Variants in ALPK2 observed in about 807,000 individuals in gnomAD.
The protein encoded by ALPK2 is alpha-protein kinase 2.
In ALPK2, 127 loss-of-function variants were observed where a neutral mutation model predicts 163.1. That is an observed-to-expected ratio of 0.78 (90% CI 0.67 to 0.90). The LOEUF is 0.90. ALPK2 is among the 40% of genes least tolerant of loss of function. The pLI, the probability that ALPK2 is intolerant of heterozygous loss-of-function variation, is 0.00. For synonymous variants in ALPK2, 953 were observed against 959.1 expected, an observed-to-expected ratio of 0.99 and a Z score of 0.12; for missense variants, 2,360 against 2,589.6, an observed-to-expected ratio of 0.91 and a Z score of 1.92.
chr18:58,483,529 C>CTTTA (rs144938882), intron 12 of ALPK2, among the ~76,000 whole-genome samples: 60,006 of 142,404 alleles, frequency 0.42, 13,187 homozygotes, highest in East Asian at 0.68. Context: ...GTCCTACTCA[C>CTTTA]TTTATTTATT....
At chr18:58,585,047 C>A (rs2051978533) in intron 3 of ALPK2, among the ~76,000 whole-genome samples, 2 of 152,320 alleles carry the variant, frequency 1.3e-5, no homozygotes, top group African/African-American at 2.4e-5. Flanking sequence ...TGCTTGAATT[C>A]TCTAGGTTCT....
At chr18:58,608,145 T>C (rs1172176392) in intron 2 of ALPK2, among the ~76,000 whole-genome samples, 1 of 152,196 alleles carries the variant, frequency 6.6e-6, no homozygotes. Context: ...TTTTTGAAAA[T>C]TATACTTTAA....
chr18:58,483,607 A>G (rs983848495), intron 12 of ALPK2, among the ~76,000 whole-genome samples: 1 of 151,542 alleles, frequency 6.6e-6, no homozygotes, highest in African/African-American at 2.4e-5. Flanking sequence ...CTGGAGTGCA[A>G]TGGCTCAATC....
At chr18:58,488,227 A>G (rs2144097203) in intron 12 of ALPK2, among the ~76,000 whole-genome samples, 1 of 152,218 alleles carries the variant, frequency 6.6e-6, no homozygotes, top group South Asian at 2.1e-4. Context: ...ACACTGAAAC[A>G]TCCCACCTGG....
chr18:58,510,317 G>A (rs1321876405), intron 10 of ALPK2, among the ~76,000 whole-genome samples: 6 of 152,292 alleles, frequency 3.9e-5, no homozygotes, highest in African/African-American at 9.6e-5. Context: ...GTCAGGTAGC[G>A]CGATGCCTCC....
chr18:58,542,959 G>A (rs2051697777), intron 4 of ALPK2, among the ~76,000 whole-genome samples: 1 of 152,198 alleles, frequency 6.6e-6, no homozygotes, highest in Non-Finnish European at 1.5e-5. Context: ...CCCCAGTGTG[G>A]CAATACTGAT....
chr18:58,605,700 G>A (rs1262610942), intron 3 of ALPK2, among the ~76,000 whole-genome samples: 1 of 152,258 alleles, frequency 6.6e-6, no homozygotes, highest in Admixed American at 6.5e-5. Context: ...ATGGGATAAA[G>A]ACGAGGAAGG....
chr18:58,564,253 G>T (rs950818854), intron 4 of ALPK2, among the ~76,000 whole-genome samples: 8 of 150,434 alleles, frequency 5.3e-5, no homozygotes, highest in Admixed American at 4.7e-4. Context: ...CTCCCACATA[G>T]CTGGGATTAC....
At chr18:58,589,891 A>G (rs1295247720) in intron 3 of ALPK2, among the ~76,000 whole-genome samples, 2 of 152,224 alleles carry the variant, frequency 1.3e-5, no homozygotes, top group African/African-American at 4.8e-5. Context: ...GGGTTCATAG[A>G]AGAAGAAGCT....
intron 9 of ALPK2, 34 bp downstream of exon 9, chr18:58,516,874 C>T: frequency 6.2e-7 from 1 of 1,601,714 alleles, no homozygotes; most frequent in Non-Finnish European, 8.5e-7. Flanking sequence ...GGTTCTCACA[C>T]CAGAAGTGAC....
intron 3 of ALPK2, among the ~76,000 whole-genome samples, chr18:58,593,858 A>G (rs961598331): frequency 3.9e-5 from 6 of 152,004 alleles, no homozygotes; most frequent in African/African-American, 1.2e-4. Flanking sequence ...AGCCTGGGCA[A>G]CAGAGCAAAA....
At chr18:58,571,651 T>C (rs1473732366) in intron 4 of ALPK2, among the ~76,000 whole-genome samples, 1 of 151,930 alleles carries the variant, frequency 6.6e-6, no homozygotes, top group African/African-American at 2.4e-5. Flanking sequence ...ACCTCATCAA[T>C]ATGAAAAGTT....
In ALPK2 at chr18:58,535,401, C is replaced by G. The variant is rs761740876; in HGVS notation, c.4786G>C (p.Gly1596Arg). Residue 1596 changes from glycine to arginine, a missense_variant, in exon 5 of 13, where the codon GGG (glycine) becomes CGG (arginine). By Grantham distance (125) the Gly-to-Arg change is moderately radical. Transcript: ENST00000361673. ...TCAGGAGAAGAGGGCAAAGGTTTCC[C>G]ACGCTCATTCTCAATAGTTCCCCTT... is the stretch of plus-strand genomic sequence containing the variant. ...QKRGTIENER[G>R]KPLPSSPDLT... is the part of the protein sequence containing the mutation. 3.1e-6 allele frequency: 5 copies of G among 1,614,038 alleles called. No individual in the cohort carries two copies. The highest frequency in any genetic ancestry group is 4.2e-6 in the Non-Finnish European group (5 of 1,180,028).
intron 4 of ALPK2, among the ~76,000 whole-genome samples, chr18:58,556,169 T>TCACACACACACACACACACACA (rs33920285): frequency 2.7e-5 from 4 of 148,998 alleles, no homozygotes; most frequent in African/African-American, 1.0e-4. Context: ...GGACTAGATC[T>TCACACACACACACACACACACA]CACACACACA....
intron 3 of ALPK2, among the ~76,000 whole-genome samples, chr18:58,600,304 T>C (rs2052062844): frequency 6.6e-6 from 1 of 152,232 alleles, no homozygotes; most frequent in African/African-American, 2.4e-5. Context: ...CCCAAAGTGC[T>C]GGGATTACAG....
chr18:58,546,500 G>A (rs1034766080), intron 4 of ALPK2, among the ~76,000 whole-genome samples: 2 of 152,164 alleles, frequency 1.3e-5, no homozygotes, highest in African/African-American at 2.4e-5. Context: ...AAGTAGTAAC[G>A]CTACTATTAG....
rs767528073 is a variant in ALPK2 at position 58,538,053 on chromosome 18, G to A, written c.2134C>T (p.Pro712Ser). 3 of 1,614,104 alleles carry A rather than the reference G, an allele frequency of 1.9e-6. No individual in the cohort carries two copies. The highest frequency in any genetic ancestry group is 3.3e-5 in the Admixed American group (2 of 60,016). Residue 712 changes from proline (P) to serine (S), a missense_variant, in exon 5 of 13, where the codon CCC becomes TCC. Pro to Ser is a moderately conservative substitution (Grantham distance 74). Coordinates refer to ENST00000361673, the MANE Select transcript of ALPK2 (RefSeq NM_052947.4). ...ASLAQHSEVKPCTCGPQHEEK... is the reference protein window; with the variant it reads ...ASLAQHSEVKSCTCGPQHEEK... ...TCATGCTGTGGACCACAGGTACAGG[G>A]TTTGACCTCCGAGTGTTGAGCTAAT...
rs535969397 is a variant in ALPK2 at position 58,495,175 on chromosome 18, A to G, written c.6296+2874T>C. ...CCACCTCTTATGCTCTGTTTGGAGA[A>G]GTTTTACCTTTTCATCAGTTTTTCA... On this transcript the variant is annotated intron_variant, in intron 12 of 12. Transcript: ENST00000361673. Among the ~76,000 whole-genome samples the G allele has an allele frequency of 4.6e-5, 7 of 152,332 alleles. No homozygotes were observed. In the East Asian group the frequency reaches 1.3e-3, roughly 29 times the overall value.
Position 58,589,210 on chromosome 18 carries a change from T to C in ALPK2, c.228-8662A>G, listed in dbSNP as rs146823770. On this transcript the variant is annotated intron_variant, in intron 3 of 12. Transcript: ENST00000361673. ...TCACTTGTGTATCCTCTTAGGCTGA[T>C]GATATAATTTCTGTGGTTTTTCTTA... is the stretch of plus-strand genomic sequence containing the variant. Among the ~76,000 whole-genome samples the C allele has an allele frequency of 2.0e-4, 30 of 152,328 alleles. No individual in the cohort carries two copies. The East Asian group carries it at 5.2e-3, about 26-fold the overall frequency.
Sources: allele counts gnomAD v4.1 joint callset (sites outside exome capture counted in the v4.1 genomes callset), GRCh38; gene constraint gnomAD v4.1.1; transcripts MANE v1.5; gene names NCBI Gene and HGNC (gene_info 2026-07-23, HGNC 2026-07-21).